The following PTPN12 variants were observed in gnomAD, a reference collection of about 807,000 sequenced individuals.
PTPN12 encodes tyrosine-protein phosphatase non-receptor type 12.
A neutral mutation model predicts 97.6 loss-of-function variants in PTPN12; 29 were observed. The observed-to-expected ratio is 0.30, with a 90% CI of 0.22 to 0.41. The LOEUF (loss-of-function observed/expected upper bound fraction) is 0.41, where lower values mean the gene tolerates loss of function less well. Ranked by LOEUF, PTPN12 falls within the 10% of genes least tolerant of loss-of-function variation. PTPN12 has a pLI of 1.00. For synonymous variants in PTPN12, 327 were observed against 300.4 expected (o/e 1.09, Z -0.91); for missense variants, 819 against 926.0 (o/e 0.88, Z 1.50).
chr7:77,630,693 A>C (rs1009840626), intron 13 of PTPN12, among the ~76,000 whole-genome samples: 2 of 152,200 alleles, frequency 1.3e-5, no homozygotes, highest in African/African-American at 4.8e-5. Flanking sequence ...CCTAAAAAAA[A>C]CTTTTGCATA....
intron 2 of PTPN12, among the ~76,000 whole-genome samples, chr7:77,575,044 G>A (rs1329509399): frequency 6.6e-6 from 1 of 151,978 alleles, no homozygotes; most frequent in Non-Finnish European, 1.5e-5. Flanking sequence ...ATGTCGGCCA[G>A]GCTGGTCTCA....
intron 11 of PTPN12, 101 bp downstream of exon 11, chr7:77,611,147 AAGAAT>A: frequency 1.1e-6 from 1 of 872,106 alleles, no homozygotes; most frequent in Non-Finnish European, 1.8e-6. Flanking sequence ...CTAACATGAG[AAGAAT>A]ATCCAGGACA....
chr7:77,580,515 C>G (rs544650354), intron 2 of PTPN12, among the ~76,000 whole-genome samples: 42 of 152,134 alleles, frequency 2.8e-4, no homozygotes, highest in Non-Finnish European at 5.3e-4. Context: ...GGAAAAGTAA[C>G]TTTAATATAG....
chr7:77,597,703 T>A, intron 6 of PTPN12, 139 bp from the exon 7 acceptor site: 2 of 1,161,990 alleles, frequency 1.7e-6, no homozygotes. Flanking sequence ...TTTTAGAATT[T>A]TTTTATAATT....
At position 77,635,811 on chromosome 7, in the gene PTPN12, C is replaced by T; in HGVS notation, c.2104C>T (p.Leu702Phe). 6.2e-7 allele frequency: 1 copy of T among 1,607,996 alleles called. No individual in the cohort carries two copies. Among genetic ancestry groups the T allele is most frequent in the Non-Finnish European group, 8.5e-7 (1 of 1,177,416 alleles). Residue 702 changes from leucine (L) to phenylalanine (F), a missense_variant, in exon 15 of 18, where the codon CTT becomes TTT. Leu to Phe is a conservative substitution (Grantham distance 22). Around this residue, in one of 5 missense-constraint regions of PTPN12, gnomAD observed 607 missense variants for 577.3 expected, o/e 1.05. Transcript: ENST00000248594. ...NTPVRSEWSE[L>F]QSQERSEQKK... ...ACCTGTAAGATCGGAATGGAGTGAA[C>T]TTCAAAGTCAGGAACGATCTGAACA...
intron 2 of PTPN12, among the ~76,000 whole-genome samples, chr7:77,579,213 C>T (rs997513172): frequency 6.6e-6 from 1 of 152,130 alleles, no homozygotes; most frequent in African/African-American, 2.4e-5. Flanking sequence ...CCTCCGCTTC[C>T]TGGGTTCAAG....
chr7:77,575,165 G>A (rs747338183), intron 2 of PTPN12, among the ~76,000 whole-genome samples: 1 of 151,980 alleles, frequency 6.6e-6, no homozygotes, highest in Non-Finnish European at 1.5e-5. Context: ...ATTGTACTGA[G>A]AGATATGTGC....
At chr7:77,606,388 CTTAAA>C (rs1402988577) in intron 8 of PTPN12, among the ~76,000 whole-genome samples, 2 of 152,084 alleles carry the variant, frequency 1.3e-5, no homozygotes, top group Admixed American at 1.3e-4. Flanking sequence ...TTGGAAGTTC[CTTAAA>C]TTAATTTTTG....
intron 1 of PTPN12, among the ~76,000 whole-genome samples, 177 bp downstream of exon 1, chr7:77,537,822 C>A (rs565650478): frequency 2.0e-5 from 3 of 151,980 alleles, no homozygotes; most frequent in Non-Finnish European, 2.9e-5. Context: ...AGCGCCTCCC[C>A]CCGTGGCCTC....
At chr7:77,596,473 G>A (rs1788026431) in intron 6 of PTPN12, among the ~76,000 whole-genome samples, 1 of 152,036 alleles carries the variant, frequency 6.6e-6, no homozygotes, top group African/African-American at 2.4e-5. Flanking sequence ...CGACGTGATC[G>A]CAGCTCACTA....
intron 12 of PTPN12, among the ~76,000 whole-genome samples, chr7:77,626,084 C>T (rs1395373970): frequency 2.0e-5 from 3 of 152,128 alleles, no homozygotes; most frequent in Non-Finnish European, 4.4e-5. Context: ...TTGATACTTA[C>T]TATGTGTGCT....
intron 2 of PTPN12, 88 bp from the exon 3 acceptor site, chr7:77,581,339 C>T: frequency 1.3e-6 from 1 of 775,404 alleles, no homozygotes; most frequent in South Asian, 1.9e-5. Flanking sequence ...AATAAATGTT[C>T]TTAAGCTGTC....
rs76103766 is a variant in PTPN12, at chr7:77,580,962, T to G, written c.209-465T>G. On this transcript the variant is annotated intron_variant, in intron 2 of 17. Coordinates refer to ENST00000248594, the MANE Select transcript of PTPN12 (RefSeq NM_002835.4). ...AAATCAGAGATAATGTCCTGGAATT[T>G]GAATTTTAAAAGAGTTCCAGAGATG... 1.3e-3 allele frequency among the ~76,000 whole-genome samples: 205 copies of G among 152,334 alleles called. 1 individual carries two copies. Among genetic ancestry groups the G allele is most frequent in the African/African-American group, 4.8e-3 (201 of 41,594 alleles).
chr7:77,584,693 C>T (rs1308197629), intron 4 of PTPN12, among the ~76,000 whole-genome samples: 2 of 151,942 alleles, frequency 1.3e-5, no homozygotes, highest in African/African-American at 2.4e-5. Context: ...CTGGCTAACA[C>T]GGTGAAACCC....
At chr7:77,626,661 G>GT (rs1789196135) in intron 12 of PTPN12, 44 bp from the exon 13 acceptor site, 29 of 1,537,160 alleles carry the variant, frequency 1.9e-5, no homozygotes, top group Non-Finnish European at 2.5e-5. Context: ...GTATCAACTT[G>GT]TTTAACAGTC....
intron 1 of PTPN12, chr7:77,537,938 G>T: frequency 2.8e-6 from 2 of 719,666 alleles, no homozygotes; most frequent in Non-Finnish European, 3.5e-6. Context: ...ACCACCTATT[G>T]TTTACCGGGC....
At chr7:77,562,609 T>C (rs1435355687) in intron 1 of PTPN12, among the ~76,000 whole-genome samples, 2 of 152,182 alleles carry the variant, frequency 1.3e-5, no homozygotes, top group African/African-American at 4.8e-5. Context: ...AAATTGGGAT[T>C]GGCGGAACAT....
rs1562761157 is a variant in PTPN12 at position 77,627,275 on chromosome 7, A to T, written c.1596A>T (p.Gly532=). The T allele has an allele frequency of 1.2e-6, 2 of 1,614,190 alleles. No homozygotes were observed. Among genetic ancestry groups the T allele is most frequent in the East Asian group, 4.5e-5 (2 of 44,884 alleles). The change falls in exon 13 of 18, where the codon GGA becomes GGT. Residue 532 remains glycine (G), a synonymous_variant. Transcript: ENST00000248594. The part of the protein sequence containing the change: ...RPDRLPLDEK[G]HVTWSFHGPE... Reference sequence around the variant, plus strand: ...ACCGCTTGCCTCTTGATGAGAAAGGACATGTAACGTGGTCATTTCATGGAC... The same window carrying T: ...ACCGCTTGCCTCTTGATGAGAAAGGTCATGTAACGTGGTCATTTCATGGAC...
chr7:77,607,447 T>C (rs1343340361), intron 9 of PTPN12, 146 bp downstream of exon 9: 3 of 620,820 alleles, frequency 4.8e-6, no homozygotes, highest in Non-Finnish European at 5.3e-6. Flanking sequence ...ATAAAGGTAG[T>C]GAAGGCCGGG....
Sources: gnomAD v4.1 joint callset for allele counts (sites outside exome capture counted in the v4.1 genomes callset) on GRCh38, gnomAD v4.1.1 for gene constraint, gnomAD v4.1.1 regional missense constraint, MANE v1.5 for transcripts, NCBI Gene and HGNC (gene_info 2026-07-23, HGNC 2026-07-21) for gene names.